Variants in PYGB observed in about 807,000 individuals in gnomAD.
PYGB encodes the protein glycogen phosphorylase, brain form.
A neutral mutation model predicts 94.3 loss-of-function variants in PYGB; 82 were observed. That is an observed-to-expected ratio of 0.87 (90% CI 0.73 to 1.04). The LOEUF is 1.04. PYGB is among the 50% of genes least tolerant of loss of function. PYGB has a pLI of 0.00. For synonymous variants in PYGB, 488 were observed against 479.1 expected (o/e 1.02, Z -0.24); for missense variants, 1,132 against 1,158.2 (o/e 0.98, Z 0.33).
chr20:25,287,218 G>T (rs528928060), intron 14 of PYGB, among the ~76,000 whole-genome samples: 11 of 152,256 alleles, frequency 7.2e-5, no homozygotes, highest in Non-Finnish European at 1.6e-4. Flanking sequence ...AACTTTGGGG[G>T]CCCTCACCCG....
At chr20:25,290,649 G>C in intron 16 of PYGB, 27 bp downstream of exon 16, 1 of 1,586,998 alleles carries the variant, frequency 6.3e-7, no homozygotes, top group Non-Finnish European at 8.6e-7. Flanking sequence ...GTGTTGGACA[G>C]AAAACTCACT....
chr20:25,251,459 C>T (rs1052177828), intron 1 of PYGB, among the ~76,000 whole-genome samples: 2 of 152,200 alleles, frequency 1.3e-5, no homozygotes, highest in Non-Finnish European at 2.9e-5. Flanking sequence ...TAAAATGTTT[C>T]TATTTCATAT....
intron 14 of PYGB, chr20:25,285,583 C>A (rs181567041): frequency 6.6e-6 from 1 of 152,214 alleles, no homozygotes; most frequent in African/African-American, 2.4e-5. Context: ...TGATTTCCAG[C>A]CGTTCACAGG....
intron 4 of PYGB, 31 bp downstream of exon 4, chr20:25,271,517 C>CA: frequency 1.3e-6 from 2 of 1,585,384 alleles, no homozygotes; most frequent in Non-Finnish European, 1.7e-6. Flanking sequence ...TCACTGGTTT[C>CA]CAGCTCTCGT....
chr20:25,290,548 A>G lies in PYGB; in HGVS notation c.1895A>G (p.Asn632Ser), dbSNP rs143219973. Residue 632 changes from asparagine to serine, a missense_variant, in exon 16 of 20, where the codon AAT (asparagine) becomes AGT (serine). Asn to Ser is a conservative substitution (Grantham distance 46, BLOSUM62 1). Transcript: ENST00000216962. ...KLVTSIGDVV[N>S]HDPVVGDRLK... ...GTCACCTCCATCGGCGACGTCGTCA[A>G]TCATGACCCAGTTGTGGGTGACAGG... 32 of 1,612,120 alleles carry G rather than the reference A, an allele frequency of 2.0e-5. No individual in the cohort carries two copies. Among genetic ancestry groups the G allele is most frequent in the Middle Eastern group, 1.7e-4 (1 of 6,052 alleles).
Position 25,281,057 on chromosome 20 carries a change from T to C in PYGB, c.1348T>C (p.Ser450Pro). The change falls in exon 11 of 20, where the codon TCC becomes CCC. Residue 450 changes from serine to proline, a missense_variant. Coordinates refer to ENST00000216962, the MANE Select transcript of PYGB (RefSeq NM_002862.4). ...CATGGCCCACCTGTGTGTGATTGGG[T>C]CCCATGCTGTCAATGGTGTGGCGAG... ...INMAHLCVIG[S>P]HAVNGVARIH... The C allele has an allele frequency of 1.9e-6, 3 of 1,614,136 alleles. No homozygotes were observed. Among genetic ancestry groups the C allele is most frequent in the Non-Finnish European group, 2.5e-6 (3 of 1,180,006 alleles).
rs546115743 is a variant in PYGB at position 25,255,150 on chromosome 20, C to T, written c.244-4087C>T. ...GTGCTAGCTAATCCTCACATCCTTACAGCAGATACAGTAGTGGATTATCAG... is the reference window on the plus strand; with the variant it reads ...GTGCTAGCTAATCCTCACATCCTTATAGCAGATACAGTAGTGGATTATCAG... On this transcript the variant is annotated intron_variant, in intron 1 of 19. Transcript: ENST00000216962. 3.7e-4 allele frequency among the ~76,000 whole-genome samples: 57 copies of T among 152,346 alleles called. 1 individual carries two copies. The South Asian group carries it at 0.012, about 31-fold the overall frequency.
intron 17 of PYGB, 125 bp from the exon 18 acceptor site, chr20:25,294,033 C>G (rs975116618): frequency 7.5e-7 from 1 of 1,324,556 alleles, no homozygotes; most frequent in South Asian, 1.3e-5. Flanking sequence ...TGCCCTGGAC[C>G]GTGCAGGCCT....
rs74319903 is a variant in PYGB at position 25,259,356 on chromosome 20, C to A, written c.345+18C>A. 1.9e-6 allele frequency: 3 copies of A among 1,572,630 alleles called. No homozygotes were observed. The highest frequency in any genetic ancestry group is 4.5e-5 in the East Asian group (2 of 44,634). On this transcript the variant is annotated intron_variant, in intron 2 of 19. Transcript: ENST00000216962. ...TCTATCAGGTACAGAGCCTCATGGCCGGGCTTCTGGGTGGCCCCTCGTGGT... is the reference window on the plus strand; with the variant it reads ...TCTATCAGGTACAGAGCCTCATGGCAGGGCTTCTGGGTGGCCCCTCGTGGT...
At chr20:25,261,021 C>T (rs2092912233) in intron 2 of PYGB, among the ~76,000 whole-genome samples, 2 of 152,256 alleles carry the variant, frequency 1.3e-5, no homozygotes, top group African/African-American at 4.8e-5. Flanking sequence ...TCAAGTAGGC[C>T]TGCCTGCCTC....
At chr20:25,288,669 T>A in intron 15 of PYGB, 186 bp downstream of exon 15, 1 of 669,526 alleles carries the variant, frequency 1.5e-6, no homozygotes, top group South Asian at 2.0e-5. Context: ...GATGGAAGCC[T>A]CCTGCCTGCC....
intron 18 of PYGB, chr20:25,294,685 G>A (rs915178740): frequency 2.2e-5 from 13 of 586,616 alleles, no homozygotes; most frequent in East Asian, 3.0e-5. Flanking sequence ...GCGGAACCGC[G>A]GCAGGCGTCA....
chr20:25,248,475 C>T (rs2092877521), intron 1 of PYGB, 54 bp downstream of exon 1: 2 of 1,299,844 alleles, frequency 1.5e-6, no homozygotes, highest in East Asian at 3.1e-5. Flanking sequence ...GCGCCGGTCC[C>T]GGAGCCGCGC....
chr20:25,288,510 CTG>C, intron 15 of PYGB, 27 bp downstream of exon 15: 1 of 1,611,488 alleles, frequency 6.2e-7, no homozygotes, highest in Non-Finnish European at 8.5e-7. Context: ...GCAGTCCTCT[CTG>C]TGGTGTTTGG....
At chr20:25,289,997 G>A in intron 15 of PYGB, 1 of 530,138 alleles carries the variant, frequency 1.9e-6, no homozygotes, top group Non-Finnish European at 3.9e-6. Flanking sequence ...GTTGGTCTGA[G>A]TGAGGGCCCA....
chr20:25,290,068 C>T (rs2088452099), intron 15 of PYGB: 1 of 423,658 alleles, frequency 2.4e-6, no homozygotes, highest in Non-Finnish European at 4.8e-6. Context: ...TCCCCACAGT[C>T]TGTCTGTTAC....
chr20:25,269,647 G>A (rs930015167), intron 3 of PYGB, among the ~76,000 whole-genome samples: 14 of 152,248 alleles, frequency 9.2e-5, no homozygotes, highest in East Asian at 7.7e-4. Context: ...TCCACCTCCC[G>A]GCCTTTGTGA....
At chr20:25,276,217 G>C (rs1391135488) in intron 5 of PYGB, among the ~76,000 whole-genome samples, 1 of 152,160 alleles carries the variant, frequency 6.6e-6, no homozygotes, top group Admixed American at 6.5e-5. Context: ...TGAGAGAGGT[G>C]ATCTGCGGGG....
At position 25,280,439 on chromosome 20, in the gene PYGB, A is replaced by T. The variant is rs771667237; in HGVS notation, c.1239+27A>T. 13 of 1,612,248 alleles carry T rather than the reference A, an allele frequency of 8.1e-6. No individual in the cohort carries two copies. The Admixed American group carries it at 2.2e-4, about 27-fold the overall frequency. On this transcript the variant is annotated intron_variant, in intron 10 of 19. Coordinates refer to ENST00000216962, the MANE Select transcript of PYGB (RefSeq NM_002862.4). ...TGAGTGTGGGCCCAGCTGGCCGTGT[A>T]GGGTGGCGGCTACACCCATGCCAAC...
Sources: allele counts gnomAD v4.1 joint callset (sites outside exome capture counted in the v4.1 genomes callset), GRCh38; gene constraint gnomAD v4.1.1; transcripts MANE v1.5; gene names NCBI Gene and HGNC (gene_info 2026-07-23, HGNC 2026-07-21).